Variants in CCR5AS observed in about 807,000 individuals in gnomAD.
The protein encoded by CCR5AS is CCR5 antisense RNA.
At chr3:46,393,292 G>A (rs1162132324) in intron 1 of CCR5AS, among the ~76,000 whole-genome samples, 1 of 151,934 alleles carries the variant, frequency 6.6e-6, no homozygotes, top group African/African-American at 2.4e-5. Context: ...TAAGGCAGGA[G>A]CGGCCTATTT....
At chr3:46,373,742 G>A in intron 2 of CCR5AS, 1 of 1,613,956 alleles carries the variant, frequency 6.2e-7, no homozygotes, top group Non-Finnish European at 8.5e-7. Context: ...AAGCTATGCA[G>A]GTGACAGAGA....
chr3:46,371,969 G>T (rs537491506), intron 2 of CCR5AS, among the ~76,000 whole-genome samples: 23 of 152,290 alleles, frequency 1.5e-4, no homozygotes, highest in Non-Finnish European at 2.8e-4. Flanking sequence ...AAGAGTGCAG[G>T]CTTCCCGCAT....
chr3:46,403,182 A>C (rs938102144), intron 1 of CCR5AS, among the ~76,000 whole-genome samples: 2 of 152,212 alleles, frequency 1.3e-5, no homozygotes, highest in African/African-American at 4.8e-5. Context: ...TGCTACTGTG[A>C]ATAGTGCTGC....
intron 2 of CCR5AS, among the ~76,000 whole-genome samples, chr3:46,388,588 C>T (rs961192089): frequency 6.6e-6 from 1 of 151,924 alleles, no homozygotes; most frequent in Non-Finnish European, 1.5e-5. Context: ...ATATGCCAGG[C>T]CAGATTGATT....
At chr3:46,390,596 G>A (rs1002901418) in intron 2 of CCR5AS, among the ~76,000 whole-genome samples, 2 of 152,062 alleles carry the variant, frequency 1.3e-5, no homozygotes, top group Non-Finnish European at 2.9e-5. Context: ...AGGAGTAGAG[G>A]TATCTTATAC....
chr3:46,372,895 G>A (rs1701682452), intron 2 of CCR5AS: 1 of 1,563,346 alleles, frequency 6.4e-7, no homozygotes, highest in African/African-American at 1.4e-5. Context: ...TGCACAGGGT[G>A]GAACAAGATG....
intron 1 of CCR5AS, among the ~76,000 whole-genome samples, chr3:46,393,350 A>C (rs111816637): frequency 0.057 from 8,715 of 151,774 alleles, 832 homozygotes; most frequent in African/African-American, 0.2. Context: ...CTGGATGTAT[A>C]TGTGCAGGTC....
chr3:46,404,143 C>A (rs921876369), intron 1 of CCR5AS, among the ~76,000 whole-genome samples: 5 of 152,102 alleles, frequency 3.3e-5, no homozygotes, highest in African/African-American at 1.2e-4. Flanking sequence ...AATATGTCTG[C>A]GTCTTCGGTA....
At chr3:46,390,045 C>T (rs1701896545) in intron 2 of CCR5AS, among the ~76,000 whole-genome samples, 1 of 152,106 alleles carries the variant, frequency 6.6e-6, no homozygotes, top group Non-Finnish European at 1.5e-5. Context: ...AGAAGATCAT[C>T]AACATATTGA....
chr3:46,394,961 C>T (rs775242557), intron 1 of CCR5AS, among the ~76,000 whole-genome samples: 13 of 151,932 alleles, frequency 8.6e-5, no homozygotes, highest in Non-Finnish European at 1.2e-4. Context: ...TTTTGAACTT[C>T]GGATTGCCCC....
intron 1 of CCR5AS, among the ~76,000 whole-genome samples, chr3:46,398,792 C>T (rs1280681008): frequency 2.6e-5 from 4 of 152,002 alleles, no homozygotes; most frequent in African/African-American, 7.2e-5. Context: ...GCATATTCAC[C>T]CCCCAAGGCC....
At chr3:46,399,685 T>G (rs2097285) in intron 1 of CCR5AS, among the ~76,000 whole-genome samples, 18,163 of 152,118 alleles carry the variant, frequency 0.12, 1,364 homozygotes, top group African/African-American at 0.2. Context: ...GGAGCAACTC[T>G]GTCCATGGAG....
chr3:46,384,854 ATGATAGATAGAT>A, intron 2 of CCR5AS, among the ~76,000 whole-genome samples: 1 of 133,770 alleles, frequency 7.5e-6, no homozygotes, highest in South Asian at 2.6e-4. Flanking sequence ...GGGTACATAG[ATGATAGATAGAT>A]AGATAGATAG....
intron 2 of CCR5AS, among the ~76,000 whole-genome samples, chr3:46,385,124 C>T (rs1011475207): frequency 1.3e-5 from 2 of 152,162 alleles, no homozygotes; most frequent in African/African-American, 2.4e-5. Context: ...GCACAGTACC[C>T]GAGTGCATTA....
chr3:46,397,114 C>T (rs1301538640), intron 1 of CCR5AS, among the ~76,000 whole-genome samples: 4 of 152,202 alleles, frequency 2.6e-5, no homozygotes, highest in Middle Eastern at 3.2e-3. Context: ...CCCATCCATG[C>T]GCCCTTGACT....
intron 2 of CCR5AS, among the ~76,000 whole-genome samples, chr3:46,387,035 GA>G (rs1701868307): frequency 6.6e-6 from 1 of 152,114 alleles, no homozygotes; most frequent in Non-Finnish European, 1.5e-5. Context: ...AAAATTGAGA[GA>G]GAGATAAAGA....
chr3:46,406,613 G>A (rs1429656385), intron 1 of CCR5AS, among the ~76,000 whole-genome samples: 1 of 152,000 alleles, frequency 6.6e-6, no homozygotes, highest in Non-Finnish European at 1.5e-5. Flanking sequence ...TCATCACCAC[G>A]GGATTTTCCT....
At chr3:46,396,051 A>C (rs1701959350) in intron 1 of CCR5AS, among the ~76,000 whole-genome samples, 1 of 152,218 alleles carries the variant, frequency 6.6e-6, no homozygotes, top group Non-Finnish European at 1.5e-5. Flanking sequence ...TCCCCAGCTT[A>C]GGGGCCTCAC....
intron 3 of CCR5AS, among the ~76,000 whole-genome samples, chr3:46,368,605 T>C (rs2106736930): frequency 6.6e-6 from 1 of 152,312 alleles, no homozygotes; most frequent in South Asian, 2.1e-4. Flanking sequence ...GTTTCCCATC[T>C]AGCCTATATT....
Sources: allele counts gnomAD v4.1 joint callset (sites outside exome capture counted in the v4.1 genomes callset), GRCh38; gene constraint gnomAD v4.1.1; transcripts MANE v1.5; gene names NCBI Gene and HGNC (gene_info 2026-07-23, HGNC 2026-07-21).